RAP2A: variants seen among roughly 807,000 people sequenced by gnomAD.
The protein encoded by RAP2A is RAP2A, member of RAS oncogene family.
RAP2A carries 5 observed loss-of-function variants against 15.1 expected under a neutral mutation model. The ratio of observed to expected loss-of-function variants is 0.33; its 90% CI spans 0.17 to 0.70. The LOEUF (loss-of-function observed/expected upper bound fraction) is 0.70, where lower values mean the gene tolerates loss of function less well. Among genes scored for constraint, RAP2A ranks in the 30% least tolerant of loss-of-function variants. The pLI, the probability that RAP2A is intolerant of heterozygous loss-of-function variation, is 0.68. For synonymous variants in RAP2A, 110 were observed against 99.7 expected (o/e 1.10, Z -0.62); for missense variants, 111 against 240.3 (o/e 0.46, Z 3.56).
intron 1 of RAP2A, among the ~76,000 whole-genome samples, chr13:97,446,258 C>G (rs2066679099): frequency 6.6e-6 from 1 of 152,152 alleles, no homozygotes; most frequent in South Asian, 2.1e-4. Flanking sequence ...ACTGTTACCT[C>G]AAACTCTCTC....
intron 1 of RAP2A, among the ~76,000 whole-genome samples, chr13:97,451,048 T>G (rs1210240473): frequency 6.6e-6 from 1 of 152,196 alleles, no homozygotes; most frequent in Admixed American, 6.5e-5. Context: ...TAAACAGTAC[T>G]GCATTGTACA....
intron 1 of RAP2A, among the ~76,000 whole-genome samples, chr13:97,443,983 T>C (rs1401614139): frequency 2.0e-5 from 3 of 152,222 alleles, no homozygotes; most frequent in Non-Finnish European, 2.9e-5. Context: ...AATAATAAAG[T>C]TTCACCAAGA....
chr13:97,449,754 TCTC>T (rs1386872271), intron 1 of RAP2A, among the ~76,000 whole-genome samples: 3 of 152,116 alleles, frequency 2.0e-5, no homozygotes, highest in Non-Finnish European at 2.9e-5. Flanking sequence ...ATCTGTTACT[TCTC>T]CTGGTTCAAG....
chr13:97,455,780 T>C (rs529548429), intron 1 of RAP2A, among the ~76,000 whole-genome samples: 1 of 151,638 alleles, frequency 6.6e-6, no homozygotes, highest in South Asian at 2.1e-4. Flanking sequence ...AATTAGGGAA[T>C]CTTTTTCTCT....
intron 1 of RAP2A, among the ~76,000 whole-genome samples, chr13:97,440,084 C>T (rs1041398038): frequency 2.6e-5 from 4 of 152,042 alleles, no homozygotes; most frequent in Non-Finnish European, 5.9e-5. Context: ...AGAGCCGAAA[C>T]GAGAGTATAC....
rs555491550 is a variant in RAP2A at position 97,457,261 on chromosome 13, C to CAT, written c.315-6932_315-6931dup. ...AACACGTGAGAGATATATATATATA[C>CAT]ATATATATATATAATGCATACCCTT... On this transcript the variant is annotated intron_variant, in intron 1 of 1. Coordinates refer to ENST00000245304, the MANE Select transcript of RAP2A (RefSeq NM_021033.7). Among the ~76,000 whole-genome samples the CAT allele has an allele frequency of 6.6e-4, 99 of 149,822 alleles. 3 individuals carry two copies. In the South Asian group the frequency reaches 9.9e-3, roughly 15 times the overall value.
intron 1 of RAP2A, among the ~76,000 whole-genome samples, chr13:97,439,044 A>G (rs2066645955): frequency 6.6e-6 from 1 of 152,216 alleles, no homozygotes; most frequent in African/African-American, 2.4e-5. Context: ...CGAACCTCAA[A>G]GAATCAGAAA....
intron 1 of RAP2A, among the ~76,000 whole-genome samples, chr13:97,461,753 G>C (rs997916016): frequency 8.6e-5 from 13 of 151,882 alleles, no homozygotes; most frequent in African/African-American, 1.9e-4. Flanking sequence ...CACGAGGTCA[G>C]GAGATCGAGA....
At chr13:97,460,137 G>T (rs1454640000) in intron 1 of RAP2A, among the ~76,000 whole-genome samples, 2 of 152,310 alleles carry the variant, frequency 1.3e-5, no homozygotes, top group African/African-American at 4.8e-5. Context: ...GAGCATGCTG[G>T]CAGTAGTGGC....
rs1385424899 is a variant in RAP2A, at chr13:97,434,668, C to A, written c.198C>A (p.Ser66=). 1 of 1,614,074 alleles carries A rather than the reference C, an allele frequency of 6.2e-7. No individual in the cohort carries two copies. Among genetic ancestry groups the A allele is most frequent in the Admixed American group, 1.7e-5 (1 of 60,016 alleles). ...LDTAGTEQFA[S]MRDLYIKNGQ... is the part of the protein sequence containing the mutation. ...CGGCGGGCACCGAGCAGTTCGCGTC[C>A]ATGCGGGACCTGTACATCAAGAACG... The change falls in exon 1 of 2, where the codon TCC becomes TCA. Residue 66 remains serine (S), a synonymous_variant. Transcript: ENST00000245304.
chr13:97,461,982 A>G (rs1032631892), intron 1 of RAP2A, among the ~76,000 whole-genome samples: 9 of 143,968 alleles, frequency 6.3e-5, no homozygotes, highest in Non-Finnish European at 1.2e-4. Context: ...ATATATATAT[A>G]TATATATTTA....
chr13:97,464,455 G>A lies in RAP2A; in HGVS notation c.*13G>A, dbSNP rs376415017. 29 of 1,610,930 alleles carry A rather than the reference G, an allele frequency of 1.8e-5. No homozygotes were observed. The African/African-American group carries it at 3.1e-4, about 17-fold the overall frequency. On this transcript the variant is annotated 3_prime_UTR_variant, in exon 2 of 2. Coordinates refer to ENST00000245304, the MANE Select transcript of RAP2A (RefSeq NM_021033.7). ...TAACATACAATAGCATCCAAATATG[G>A]CTGTCCTGGATGGGATTTGCCCAAT...
At chr13:97,448,639 T>C (rs1254955073) in intron 1 of RAP2A, among the ~76,000 whole-genome samples, 1 of 152,196 alleles carries the variant, frequency 6.6e-6, no homozygotes, top group African/African-American at 2.4e-5. Context: ...GATCCAGCTC[T>C]CTCTTGTGGT....
rs1244401531 is a variant in RAP2A, at chr13:97,468,417, C to T, written c.*3975C>T. 7 of 152,206 alleles carry T rather than the reference C, an allele frequency of 4.6e-5. No homozygotes were observed. The highest frequency in any genetic ancestry group is 7.3e-5 in the Non-Finnish European group (5 of 68,050). The allele number at this position is 152,206 out of a possible 1,614,324, so 9.4% of individuals were successfully genotyped here. A position where few individuals can be genotyped will look rare whatever the true frequency, so the allele number is the denominator to read the frequency against. ...GAAGGTGCCAGAAGCTGAAGGTTGC[C>T]GCCAGGCTGTAGGGCCTGCTTGTTC... On this transcript the variant is annotated 3_prime_UTR_variant, in exon 2 of 2. Coordinates refer to ENST00000245304, the MANE Select transcript of RAP2A (RefSeq NM_021033.7).
In RAP2A at chr13:97,434,281, C is replaced by A; in HGVS notation, c.-190C>A. 5.3e-6 allele frequency: 1 copy of A among 188,058 alleles called. No homozygotes were observed. The highest frequency in any genetic ancestry group is 9.6e-6 in the Non-Finnish European group (1 of 104,494). 11.6% of individuals were successfully genotyped at this position (188,058 alleles called of 1,614,324 possible). A position where few individuals can be genotyped will look rare whatever the true frequency, so the allele number is the denominator to read the frequency against. On this transcript the variant is annotated 5_prime_UTR_variant, in exon 1 of 2. Transcript: ENST00000245304. The stretch of plus-strand genomic sequence containing the variant: ...CATCGCCGCCCGGCTCGGCCCGGCC[C>A]ATGCCCAGGGCCGCTGCTCCCTCAG...
intron 1 of RAP2A, among the ~76,000 whole-genome samples, chr13:97,460,661 C>T (rs2066742508): frequency 6.6e-6 from 1 of 152,194 alleles, no homozygotes; most frequent in South Asian, 2.1e-4. Flanking sequence ...ATCCAGATTT[C>T]TCCAAATGTT....
intron 1 of RAP2A, among the ~76,000 whole-genome samples, chr13:97,443,848 A>G (rs2153179344): frequency 6.6e-6 from 1 of 152,358 alleles, no homozygotes; most frequent in South Asian, 2.1e-4. Flanking sequence ...CTTATTAGTT[A>G]TGTAATTAGG....
rs1366607425 is a variant in RAP2A, at chr13:97,465,570, A to G, written c.*1128A>G. Reference sequence around the variant, plus strand: ...TTGGGCTTAAAAGTGAACATAAATTATAGAGTGGAAGGTAAGGGACAAAAG... The same window carrying G: ...TTGGGCTTAAAAGTGAACATAAATTGTAGAGTGGAAGGTAAGGGACAAAAG... On this transcript the variant is annotated 3_prime_UTR_variant, in exon 2 of 2. Transcript: ENST00000245304. The G allele has an allele frequency of 6.6e-6, 1 of 152,636 alleles. No individual in the cohort carries two copies. The highest frequency in any genetic ancestry group is 1.5e-5 in the Non-Finnish European group (1 of 68,044). The allele number at this position is 152,636 out of a possible 1,614,324, so 9.5% of individuals were successfully genotyped here. A position where few individuals can be genotyped will look rare whatever the true frequency, so the allele number is the denominator to read the frequency against.
intron 1 of RAP2A, among the ~76,000 whole-genome samples, chr13:97,446,343 ATCTT>A (rs767885991): frequency 7.2e-5 from 11 of 152,318 alleles, no homozygotes; most frequent in Non-Finnish European, 1.5e-4. Context: ...AATAAACAGT[ATCTT>A]TCTTTGACCT....
Sources: gnomAD v4.1 joint callset for allele counts (sites outside exome capture counted in the v4.1 genomes callset) on GRCh38, gnomAD v4.1.1 for gene constraint, MANE v1.5 for transcripts, NCBI Gene and HGNC (gene_info 2026-07-23, HGNC 2026-07-21) for gene names.